CSMD3: variants seen among roughly 807,000 people sequenced by gnomAD.
CSMD3 encodes CUB and Sushi multiple domains 3.
In CSMD3, 177 loss-of-function variants were observed where a neutral mutation model predicts 435.2. That is an observed-to-expected ratio of 0.41 (90% CI 0.36 to 0.46). The LOEUF (loss-of-function observed/expected upper bound fraction) is 0.46. Ranked by LOEUF, CSMD3 falls within the 20% of genes least tolerant of loss-of-function variation. The pLI is 0.34. For missense variants in CSMD3, 4,265 were observed against 4,504.6 expected (o/e 0.95, Z 1.52); for synonymous variants, 1,656 against 1,520.5 (o/e 1.09, Z -2.07).
chr8:112,441,088 T>C (rs1186028076), intron 32 of CSMD3, among the ~76,000 whole-genome samples: 1 of 152,172 alleles, frequency 6.6e-6, no homozygotes, highest in Non-Finnish European at 1.5e-5. Flanking sequence ...TTCCAAACTC[T>C]TATGCTCTGC....
intron 13 of CSMD3, among the ~76,000 whole-genome samples, chr8:112,710,190 G>A (rs576815703): frequency 2.0e-5 from 3 of 152,110 alleles, no homozygotes; most frequent in African/African-American, 7.2e-5. Context: ...TTTGAATAAA[G>A]CCAACACAGA....
intron 2 of CSMD3, among the ~76,000 whole-genome samples, chr8:113,291,300 G>A (rs1028708282): frequency 1.3e-5 from 2 of 151,612 alleles, no homozygotes; most frequent in African/African-American, 4.8e-5. Context: ...TAATATTATG[G>A]CATTAAAACA....
chr8:113,158,716 T>A (rs2091981085), intron 4 of CSMD3, among the ~76,000 whole-genome samples: 1 of 152,022 alleles, frequency 6.6e-6, no homozygotes, highest in Non-Finnish European at 1.5e-5. Flanking sequence ...TTTTGTATTC[T>A]GATTCTGATT....
chr8:113,379,678 T>A (rs577765936), intron 1 of CSMD3, among the ~76,000 whole-genome samples: 1 of 152,346 alleles, frequency 6.6e-6, no homozygotes, highest in Admixed American at 6.5e-5. Context: ...TGTAATTCAA[T>A]TACATTTTAT....
At chr8:112,621,244 A>C (rs1424661198) in intron 22 of CSMD3, among the ~76,000 whole-genome samples, 1 of 152,074 alleles carries the variant, frequency 6.6e-6, no homozygotes, top group African/African-American at 2.4e-5. Context: ...TCAAAAAATA[A>C]ATTAATTAAT....
chr8:112,759,078 A>G (rs2077772037), intron 13 of CSMD3, among the ~76,000 whole-genome samples: 2 of 152,264 alleles, frequency 1.3e-5, no homozygotes, highest in Middle Eastern at 3.4e-3. Context: ...TCTTAGATTT[A>G]TAGTTTTGCA....
intron 28 of CSMD3, among the ~76,000 whole-genome samples, chr8:112,516,639 G>A (rs1296559526): frequency 6.6e-6 from 1 of 152,070 alleles, no homozygotes; most frequent in Non-Finnish European, 1.5e-5. Flanking sequence ...TTCTGACATA[G>A]GTTCTGACAA....
chr8:112,352,915 A>G (rs1249980673), intron 38 of CSMD3, among the ~76,000 whole-genome samples: 2 of 151,872 alleles, frequency 1.3e-5, no homozygotes, highest in South Asian at 2.1e-4. Context: ...ATACTTTAAA[A>G]ACATTCTTAG....
intron 4 of CSMD3, among the ~76,000 whole-genome samples, chr8:113,122,238 C>G (rs535233799): frequency 6.6e-6 from 1 of 152,144 alleles, no homozygotes; most frequent in South Asian, 2.1e-4. Context: ...TTATTTAAGT[C>G]TTATTCATAA....
chr8:112,349,415 T>C (rs960937450), intron 40 of CSMD3, among the ~76,000 whole-genome samples: 1 of 152,096 alleles, frequency 6.6e-6, no homozygotes, highest in African/African-American at 2.4e-5. Flanking sequence ...CACTAAACAG[T>C]ATATAATGGA....
At chr8:112,639,951 T>C (rs747774524) in intron 20 of CSMD3, among the ~76,000 whole-genome samples, 21 of 152,120 alleles carry the variant, frequency 1.4e-4, no homozygotes, top group Non-Finnish European at 2.8e-4. Flanking sequence ...AGGAATGGAA[T>C]TACTGAATGA....
At chr8:112,282,066 T>G (rs1483496828) in intron 58 of CSMD3, among the ~76,000 whole-genome samples, 3 of 152,240 alleles carry the variant, frequency 2.0e-5, no homozygotes, top group South Asian at 4.1e-4. Flanking sequence ...CTATAATATA[T>G]CAAACGTAAT....
intron 4 of CSMD3, among the ~76,000 whole-genome samples, chr8:113,131,607 G>C (rs2091285229): frequency 6.6e-6 from 1 of 152,124 alleles, no homozygotes. Context: ...CAGGGGCAGA[G>C]ACCTCATGGA....
intron 28 of CSMD3, among the ~76,000 whole-genome samples, chr8:112,512,894 T>A (rs1324521029): frequency 6.6e-6 from 1 of 152,240 alleles, no homozygotes; most frequent in Non-Finnish European, 1.5e-5. Context: ...AGTACCTACA[T>A]ATTCACGTTC....
In CSMD3 at chr8:112,434,672, A is replaced by C. The variant is rs544180107; in HGVS notation, c.5396-25640T>G. 6.6e-5 allele frequency among the ~76,000 whole-genome samples: 10 copies of C among 152,208 alleles called. 1 individual carries two copies. In the South Asian group the frequency reaches 2.1e-3, roughly 32 times the overall value. ...TTACTGTGAAGTTAACAAAGCTCCT[A>C]CCTCGCACAGGCTCCTTCTAAGACC... is the stretch of plus-strand genomic sequence containing the variant. On this transcript the variant is annotated intron_variant, in intron 32 of 70. Coordinates refer to ENST00000297405, the MANE Select transcript of CSMD3 (RefSeq NM_198123.2).
At chr8:112,997,928 AG>A in intron 6 of CSMD3, among the ~76,000 whole-genome samples, 1 of 150,708 alleles carries the variant, frequency 6.6e-6, no homozygotes, top group South Asian at 2.1e-4. Flanking sequence ...TGAAATAAGA[AG>A]ACTTGCATTC....
chr8:112,464,341 C>A (rs1179042043), intron 32 of CSMD3, among the ~76,000 whole-genome samples: 1 of 151,794 alleles, frequency 6.6e-6, no homozygotes, highest in African/African-American at 2.4e-5. Context: ...ACATATGGCA[C>A]CTATGTGGAA....
chr8:113,214,613 A>G (rs180673386), intron 3 of CSMD3, among the ~76,000 whole-genome samples: 22 of 152,046 alleles, frequency 1.4e-4, no homozygotes, highest in Admixed American at 2.6e-4. Flanking sequence ...TACATTCAGT[A>G]GCACTTTCTA....
chr8:112,897,694 CTGTGTGTGTG>C (rs375797134), intron 10 of CSMD3, among the ~76,000 whole-genome samples: 5 of 91,036 alleles, frequency 5.5e-5, no homozygotes, highest in South Asian at 4.5e-4. Flanking sequence ...CTCTCTCTCT[CTGTGTGTGTG>C]TGTGTGTGTG....
Sources: allele counts gnomAD v4.1 joint callset (sites outside exome capture counted in the v4.1 genomes callset), GRCh38; gene constraint gnomAD v4.1.1; transcripts MANE v1.5; gene names NCBI Gene and HGNC (gene_info 2026-07-23, HGNC 2026-07-21).